Variants in LRRTM4 observed in about 807,000 individuals in gnomAD.
The protein encoded by LRRTM4 is leucine-rich repeat transmembrane neuronal protein 4.
In LRRTM4, 25 loss-of-function variants were observed where a neutral mutation model predicts 47.6. That is an observed-to-expected ratio of 0.53 (90% CI 0.38 to 0.73). LRRTM4 has a LOEUF of 0.73. Among genes scored for constraint, LRRTM4 ranks in the 30% least tolerant of loss-of-function variants. The pLI is 0.00. For synonymous variants in LRRTM4, 311 were observed against 269.5 expected, an observed-to-expected ratio of 1.15 and a Z score of -1.51; for missense variants, 638 against 713.4, an observed-to-expected ratio of 0.89 and a Z score of 1.20.
intron 3 of LRRTM4, among the ~76,000 whole-genome samples, chr2:77,172,582 G>T (rs1673079312): frequency 6.6e-6 from 1 of 151,978 alleles, no homozygotes; most frequent in South Asian, 2.1e-4. Context: ...GACAGAGTGA[G>T]ACTTCGTCTC....
intron 3 of LRRTM4, among the ~76,000 whole-genome samples, chr2:77,365,459 C>T (rs566930186): frequency 1.5e-4 from 23 of 151,878 alleles, no homozygotes; most frequent in African/African-American, 5.5e-4. Context: ...TTTCTTTTGG[C>T]ATAGATTTTT....
chr2:77,108,028 T>TA (rs1323637865), intron 3 of LRRTM4, among the ~76,000 whole-genome samples: 4 of 151,862 alleles, frequency 2.6e-5, no homozygotes, highest in Non-Finnish European at 4.4e-5. Context: ...CAAAATTCAT[T>TA]AAAAAAACTG....
chr2:77,364,216 C>T (rs1272129830), intron 3 of LRRTM4, among the ~76,000 whole-genome samples: 1 of 152,012 alleles, frequency 6.6e-6, no homozygotes, highest in Non-Finnish European at 1.5e-5. Flanking sequence ...CACATCATAG[C>T]AGGACAAGTG....
chr2:77,207,524 C>G (rs549963501), intron 3 of LRRTM4, among the ~76,000 whole-genome samples: 1 of 151,846 alleles, frequency 6.6e-6, no homozygotes, highest in Admixed American at 6.6e-5. Flanking sequence ...GACTCTCAAC[C>G]TGGCTGTGAC....
intron 3 of LRRTM4, among the ~76,000 whole-genome samples, chr2:77,111,635 G>C (rs1406192260): frequency 6.6e-6 from 1 of 152,012 alleles, no homozygotes; most frequent in Non-Finnish European, 1.5e-5. Context: ...TGTGTCCAGG[G>C]TCTCCATGGT....
At chr2:76,995,954 T>A (rs1262348296) in intron 3 of LRRTM4, among the ~76,000 whole-genome samples, 1 of 151,980 alleles carries the variant, frequency 6.6e-6, no homozygotes, top group Non-Finnish European at 1.5e-5. Context: ...CAGGGAGAAA[T>A]AATTAACTTA....
At chr2:77,252,831 G>C (rs1675658994) in intron 3 of LRRTM4, among the ~76,000 whole-genome samples, 1 of 152,106 alleles carries the variant, frequency 6.6e-6, no homozygotes. Context: ...TTCTCTTAAA[G>C]TTCTGGATGT....
chr2:77,486,960 T>C (rs1369892737), intron 3 of LRRTM4, among the ~76,000 whole-genome samples: 1 of 152,202 alleles, frequency 6.6e-6, no homozygotes, highest in African/African-American at 2.4e-5. Flanking sequence ...TAGCTAAACA[T>C]TTCTACTTGT....
intron 3 of LRRTM4, among the ~76,000 whole-genome samples, chr2:77,029,045 ACACAC>A (rs1678552730): frequency 1.5e-5 from 2 of 133,258 alleles, no homozygotes; most frequent in African/African-American, 2.7e-5. Flanking sequence ...ACACACACAC[ACACAC>A]AAATATATAT....
At chr2:77,165,803 C>T (rs961614038) in intron 3 of LRRTM4, among the ~76,000 whole-genome samples, 2 of 152,198 alleles carry the variant, frequency 1.3e-5, no homozygotes, top group Non-Finnish European at 2.9e-5. Context: ...ATTGATGGGA[C>T]GTTATCTCAA....
chr2:76,841,986 A>T (rs1671698013), intron 3 of LRRTM4, among the ~76,000 whole-genome samples: 1 of 152,174 alleles, frequency 6.6e-6, no homozygotes, highest in Non-Finnish European at 1.5e-5. Context: ...TTCATGTATC[A>T]CTAGACTGAG....
intron 3 of LRRTM4, among the ~76,000 whole-genome samples, chr2:77,411,109 A>G (rs1232821642): frequency 2.0e-5 from 3 of 152,176 alleles, no homozygotes; most frequent in Non-Finnish European, 4.4e-5. Flanking sequence ...GGGGTAGAGT[A>G]CCTTTGAAGA....
At chr2:77,347,820 C>T (rs1671624026) in intron 3 of LRRTM4, among the ~76,000 whole-genome samples, 1 of 151,982 alleles carries the variant, frequency 6.6e-6, no homozygotes, top group African/African-American at 2.4e-5. Context: ...AATATGAACA[C>T]ATAAATCATC....
At chr2:76,867,527 C>T (rs1238483634) in intron 3 of LRRTM4, among the ~76,000 whole-genome samples, 1 of 152,060 alleles carries the variant, frequency 6.6e-6, no homozygotes, top group Non-Finnish European at 1.5e-5. Context: ...TTGTTAGTTT[C>T]TTTTTATGGA....
chr2:77,374,437 T>C (rs1672758282), intron 3 of LRRTM4, among the ~76,000 whole-genome samples: 1 of 151,830 alleles, frequency 6.6e-6, no homozygotes, highest in Non-Finnish European at 1.5e-5. Flanking sequence ...AGACAGATAT[T>C]GTTTTCACAG....
chr2:77,405,934 A>G (rs1181166642), intron 3 of LRRTM4, among the ~76,000 whole-genome samples: 1 of 152,166 alleles, frequency 6.6e-6, no homozygotes, highest in African/African-American at 2.4e-5. Context: ...ACACTAAACA[A>G]TGAGCTTCTT....
intron 3 of LRRTM4, among the ~76,000 whole-genome samples, chr2:76,798,161 C>T (rs181054151): frequency 4.6e-4 from 70 of 152,116 alleles, no homozygotes; most frequent in Non-Finnish European, 6.2e-4. Flanking sequence ...TTTTCAGCAC[C>T]GCACCACACC....
chr2:77,393,110 CT>C (rs1294038872), intron 3 of LRRTM4, among the ~76,000 whole-genome samples: 2 of 151,958 alleles, frequency 1.3e-5, no homozygotes. Flanking sequence ...TCGTAATTCT[CT>C]TTTTTCATCT....
intron 3 of LRRTM4, among the ~76,000 whole-genome samples, chr2:77,281,055 C>G (rs748130510): frequency 1.5e-4 from 23 of 151,862 alleles, no homozygotes; most frequent in Non-Finnish European, 2.7e-4. Flanking sequence ...CATATTGAAG[C>G]AGAGTTGTAT....
Sources: gnomAD v4.1 joint callset for allele counts (sites outside exome capture counted in the v4.1 genomes callset) on GRCh38, gnomAD v4.1.1 for gene constraint, MANE v1.5 for transcripts, NCBI Gene and HGNC (gene_info 2026-07-23, HGNC 2026-07-21) for gene names.